PARP12: variants seen among roughly 807,000 people sequenced by gnomAD.
PARP12 encodes poly(ADP-ribose) polymerase family member 12.
A neutral mutation model predicts 72.4 loss-of-function variants in PARP12; 59 were observed. The observed-to-expected ratio is 0.81, with a 90% CI of 0.66 to 1.01. PARP12 has a LOEUF of 1.01. Ranked by LOEUF, PARP12 falls within the 50% of genes least tolerant of loss-of-function variation. The pLI is 0.00. For missense variants in PARP12, 851 were observed against 914.0 expected (o/e 0.93, Z 0.89); for synonymous variants, 403 against 371.4 (o/e 1.09, Z -0.98).
At chr7:140,024,991 C>T in intron 11 of PARP12, 106 bp from the exon 12 acceptor site, 1 of 1,001,338 alleles carries the variant, frequency 1.0e-6, no homozygotes, top group East Asian at 2.6e-5. Context: ...GGCCTCTACT[C>T]TTCCACCCCG....
intron 4 of PARP12, among the ~76,000 whole-genome samples, chr7:140,052,382 T>C (rs1348571612): frequency 6.6e-6 from 1 of 152,198 alleles, no homozygotes; most frequent in Non-Finnish European, 1.5e-5. Flanking sequence ...AGCTCCATCT[T>C]TAACATTCTC....
At chr7:140,035,993 G>GAGGAGA (rs1816166510) in intron 7 of PARP12, among the ~76,000 whole-genome samples, 2 of 54,116 alleles carry the variant, frequency 3.7e-5, no homozygotes, top group African/African-American at 1.7e-4. Context: ...GGAGGAGGAG[G>GAGGAGA]AGGAGGAGAA....
chr7:140,030,573 G>C (rs1256431097), intron 8 of PARP12, among the ~76,000 whole-genome samples: 1 of 152,252 alleles, frequency 6.6e-6, no homozygotes, highest in Admixed American at 6.5e-5. Context: ...ACTCTGGCCT[G>C]GGCGACAGTG....
chr7:140,062,429 G>A (rs1006665145), intron 1 of PARP12, 93 bp downstream of exon 1: 3 of 1,299,712 alleles, frequency 2.3e-6, no homozygotes, highest in Non-Finnish European at 3.1e-6. Flanking sequence ...CGAATTGTCT[G>A]CTCAAACTTC....
Position 140,054,777 on chromosome 7 carries a change from C to T in PARP12, c.761-14G>A, listed in dbSNP as rs772266031. The T allele has an allele frequency of 1.0e-5, 16 of 1,579,150 alleles. No individual in the cohort carries two copies. The African/African-American group carries it at 1.5e-4, about 15-fold the overall frequency. ...TGTCTTTTCTTTCTGCAAAGAAACA[C>T]CACAAAGATATGTCAGCTTCTGATA... On this transcript the variant is annotated splice_polypyrimidine_tract_variant and intron_variant, in intron 3 of 11. Transcript: ENST00000263549.
chr7:140,030,200 A>G (rs1585082705), intron 8 of PARP12, among the ~76,000 whole-genome samples: 1 of 152,350 alleles, frequency 6.6e-6, no homozygotes, highest in South Asian at 2.1e-4. Context: ...GCAACAGTGG[A>G]AGCCAGAATA....
intron 9 of PARP12, among the ~76,000 whole-genome samples, chr7:140,028,337 A>G (rs1815815505): frequency 6.6e-6 from 1 of 151,966 alleles, no homozygotes; most frequent in African/African-American, 2.4e-5. Context: ...CCATAAACTC[A>G]TTTCTGCCCT....
At chr7:140,028,591 C>T in intron 9 of PARP12, 22 bp downstream of exon 9, 3 of 1,557,754 alleles carry the variant, frequency 1.9e-6, no homozygotes, top group East Asian at 2.4e-5. Context: ...CCTGTCCAGC[C>T]CCAGGCGCAT....
intron 8 of PARP12, 185 bp from the exon 9 acceptor site, chr7:140,028,873 C>T: frequency 2.1e-6 from 1 of 469,266 alleles, no homozygotes; most frequent in Non-Finnish European, 3.9e-6. Flanking sequence ...TTTATCTTTG[C>T]CTATGTAGCC....
At chr7:140,036,015 AGG>A in intron 7 of PARP12, among the ~76,000 whole-genome samples, 1 of 66,694 alleles carries the variant, frequency 1.5e-5, no homozygotes, top group South Asian at 5.1e-4. Flanking sequence ...GAGGAGAAGG[AGG>A]AGAAGGAGGA....
chr7:140,049,376 A>G (rs1028088877), intron 4 of PARP12, among the ~76,000 whole-genome samples: 2 of 152,246 alleles, frequency 1.3e-5, no homozygotes, highest in Non-Finnish European at 2.9e-5. Context: ...GTGTGTACAC[A>G]ACAGATAATT....
intron 11 of PARP12, chr7:140,025,503 A>G (rs1383546102): frequency 2.3e-6 from 1 of 437,028 alleles, no homozygotes; most frequent in African/African-American, 2.0e-5. Flanking sequence ...CAACTTGGTA[A>G]GCATATTGTG....
In PARP12 at chr7:140,059,051, C is replaced by T. The variant is rs568857738; in HGVS notation, c.327-1017G>A. Among the ~76,000 whole-genome samples the T allele has an allele frequency of 5.3e-5, 8 of 150,392 alleles. 1 individual carries two copies. In the South Asian group the frequency reaches 8.4e-4, roughly 16 times the overall value. On this transcript the variant is annotated intron_variant, in intron 1 of 11. Transcript: ENST00000263549. ...CGGAGGCCGTGGTGAGCCAAGATTG[C>T]GCCATTGCACTCCAGCCTGGGCAAC... is the stretch of plus-strand genomic sequence containing the variant.
rs1201183563 is a variant in PARP12 at position 140,024,550 on chromosome 7, T to C, written c.*10A>G. Reference sequence around the variant, plus strand: ...AGAGCAGGTGAAAGGCCTGGAACACTCCTGTGCGCTCACTGTCGGCTGCTG... The same window carrying C: ...AGAGCAGGTGAAAGGCCTGGAACACCCCTGTGCGCTCACTGTCGGCTGCTG... On this transcript the variant is annotated 3_prime_UTR_variant, in exon 12 of 12. Coordinates refer to ENST00000263549, the MANE Select transcript of PARP12 (RefSeq NM_022750.4). 4 of 1,613,842 alleles carry C rather than the reference T, an allele frequency of 2.5e-6. No homozygotes were observed. The highest frequency in any genetic ancestry group is 3.4e-6 in the Non-Finnish European group (4 of 1,179,934).
intron 5 of PARP12, among the ~76,000 whole-genome samples, chr7:140,044,633 GC>G: frequency 6.6e-6 from 1 of 152,244 alleles, no homozygotes; most frequent in Middle Eastern, 3.4e-3. Context: ...ATTTGTTACA[GC>G]AGCCCTAAGA....
rs756486482 is a variant in PARP12 at position 140,027,280 on chromosome 7, G to C, written c.1624C>G (p.Gln542Glu). Residue 542 changes from glutamine (Q) to glutamate (E), a missense_variant, in exon 10 of 12, where the codon CAG becomes GAG. Around this residue, in one of 3 missense-constraint regions of PARP12, gnomAD observed 347 missense variants for 396.1 expected, o/e 0.88. Coordinates refer to ENST00000263549, the MANE Select transcript of PARP12 (RefSeq NM_022750.4). ...CAAGAGCGAGCCCCAACGCACCACT[G>C]GTAGACTTCCCAGAGGGCCAGGTTC... ...VQNLALWEVYQWQKGQMQKQN... is the reference protein window; with the variant it reads ...VQNLALWEVYEWQKGQMQKQN... 2.5e-6 allele frequency: 4 copies of C among 1,613,502 alleles called. No homozygotes were observed. In the South Asian group the frequency reaches 4.4e-5, roughly 18 times the overall value.
rs1164653884 is a variant in PARP12, at chr7:140,037,711, A to G, written c.1324+4T>C. 6.2e-7 allele frequency: 1 copy of G among 1,613,862 alleles called. No homozygotes were observed. The highest frequency in any genetic ancestry group is 1.3e-5 in the African/African-American group (1 of 74,914). ...CTGCTGGGCGAGGGCAGGGCACAGG[A>G]TACCTTTGAAATCTAACTCGTAGTT... On this transcript the variant is annotated splice_donor_region_variant and intron_variant, in intron 7 of 11. Transcript: ENST00000263549.
intron 1 of PARP12, among the ~76,000 whole-genome samples, 153 bp downstream of exon 1, chr7:140,062,369 A>T (rs1218040863): frequency 1.3e-5 from 2 of 152,146 alleles, no homozygotes; most frequent in Non-Finnish European, 2.9e-5. Flanking sequence ...GCAGGTGCTC[A>T]TTAAACGCTC....
In PARP12 at chr7:140,057,057, C is replaced by T. The variant is rs1817215314; in HGVS notation, c.559G>A (p.Gly187Arg). The T allele has an allele frequency of 1.9e-6, 3 of 1,614,198 alleles. No individual in the cohort carries two copies. The highest frequency in any genetic ancestry group is 2.5e-6 in the Non-Finnish European group (3 of 1,180,032). ...CAGCTAGTGCCAAACTTGCATTCCC[C>T]CTGTAAAAAATACTGGCAGATATGG... is the stretch of plus-strand genomic sequence containing the variant. ...KLHICQYFLQ[G>R]ECKFGTSCKR... The change falls in exon 3 of 12, where the codon GGG becomes AGG. Residue 187 changes from glycine to arginine, a missense_variant. Around this residue, in one of 3 missense-constraint regions of PARP12, gnomAD observed 492 missense variants for 489.3 expected, o/e 1.01. Transcript: ENST00000263549.
Sources: gnomAD v4.1 joint callset for allele counts (sites outside exome capture counted in the v4.1 genomes callset) on GRCh38, gnomAD v4.1.1 for gene constraint, gnomAD v4.1.1 regional missense constraint, MANE v1.5 for transcripts, NCBI Gene and HGNC (gene_info 2026-07-23, HGNC 2026-07-21) for gene names.